The following NPAS2 variants were observed in gnomAD, a reference collection of about 807,000 sequenced individuals.
The protein encoded by NPAS2 is neuronal PAS domain protein 2.
In NPAS2, 23 loss-of-function variants were observed where a neutral mutation model predicts 107.5. That is an observed-to-expected ratio of 0.21 (90% CI 0.15 to 0.30). NPAS2 has a LOEUF of 0.30. Among genes scored for constraint, NPAS2 ranks in the 10% least tolerant of loss-of-function variants. The pLI is 1.00. For synonymous variants in NPAS2, 403 were observed against 417.5 expected, an observed-to-expected ratio of 0.97 and a Z score of 0.42; for missense variants, 756 against 1,043.3, an observed-to-expected ratio of 0.72 and a Z score of 3.79.
chr2:100,874,611 G>A (rs1262323874), intron 1 of NPAS2, among the ~76,000 whole-genome samples: 5 of 151,658 alleles, frequency 3.3e-5, no homozygotes, highest in African/African-American at 4.8e-5. Context: ...GTGTGGTGGC[G>A]CACACCTGTA....
intron 3 of NPAS2, among the ~76,000 whole-genome samples, chr2:100,929,093 C>T (rs74106): frequency 0.43 from 65,806 of 152,076 alleles, 15,021 homozygotes; most frequent in East Asian, 0.74. Context: ...TTAGTGAAGA[C>T]GGGGTTTTGC....
intron 1 of NPAS2, among the ~76,000 whole-genome samples, chr2:100,893,184 T>C (rs1681189180): frequency 6.6e-6 from 1 of 152,182 alleles, no homozygotes; most frequent in South Asian, 2.1e-4. Context: ...GGCTTTTTAT[T>C]CCTTAACATA....
intron 12 of NPAS2, among the ~76,000 whole-genome samples, chr2:100,971,568 T>G (rs550521328): frequency 1.3e-5 from 2 of 152,304 alleles, no homozygotes; most frequent in African/African-American, 2.4e-5. Flanking sequence ...CACGCCACTC[T>G]CCCTGTCACC....
chr2:100,982,247 G>C lies in NPAS2; in HGVS notation c.1499G>C (p.Ser500Thr). 1 of 1,614,232 alleles carries C rather than the reference G, an allele frequency of 6.2e-7. No homozygotes were observed. The change falls in exon 16 of 21, where the codon AGC becomes ACC. Residue 500 changes from serine (S) to threonine (T), a missense_variant. Physicochemically the swap from Ser to Thr is moderately conservative, Grantham distance 58. This residue lies in a region of NPAS2 where 496 missense variants were observed against 594.4 expected (regional missense o/e 0.83). Coordinates refer to ENST00000335681, the MANE Select transcript of NPAS2 (RefSeq NM_002518.4). ...APMAQFSAQF[S>T]MFQTIKDQLE... ...ACCTTGAAGTTTTCGGCACAGTTCA[G>C]CATGTTCCAGACCATCAAAGACCAG...
chr2:100,966,855 C>T (rs1398329129), intron 10 of NPAS2, among the ~76,000 whole-genome samples: 1 of 152,130 alleles, frequency 6.6e-6, no homozygotes, highest in Non-Finnish European at 1.5e-5. Context: ...CCTCGGCCTC[C>T]CAAAATGCTT....
At position 100,990,819 on chromosome 2, in the gene NPAS2, G is replaced by A. The variant is rs1415263737; in HGVS notation, c.2058G>A (p.Gly686=). The change falls in exon 19 of 21, where the codon GGG becomes GGA. Residue 686 remains glycine, a synonymous_variant. Coordinates refer to ENST00000335681, the MANE Select transcript of NPAS2 (RefSeq NM_002518.4). ...LSQPIQPMMP[G]SCDARQPSEV... is the part of the protein sequence containing the mutation. ...AGCCCATCCAGCCCATGATGCCCGG[G>A]TCCTGTGACGCAAGGCAGCCCTCGG... 6.2e-7 allele frequency: 1 copy of A among 1,614,202 alleles called. No homozygotes were observed. Among genetic ancestry groups the A allele is most frequent in the Non-Finnish European group, 8.5e-7 (1 of 1,180,048 alleles).
Position 100,891,377 on chromosome 2 carries a change from C to T in NPAS2, c.-22-13356C>T, listed in dbSNP as rs559665699. ...TGGTGCAACATGAGGGTATGTCCTA[C>T]CAACAAGGTGTGCAGCATTGGACAT... is the stretch of plus-strand genomic sequence containing the variant. On this transcript the variant is annotated intron_variant, in intron 1 of 20. Coordinates refer to ENST00000335681, the MANE Select transcript of NPAS2 (RefSeq NM_002518.4). Among the ~76,000 whole-genome samples, 4 of 152,236 alleles carry T rather than the reference C, an allele frequency of 2.6e-5. No individual in the cohort carries two copies. The South Asian group carries it at 8.3e-4, about 32-fold the overall frequency.
At chr2:100,959,438 G>A (rs1675794584) in intron 7 of NPAS2, among the ~76,000 whole-genome samples, 1 of 152,178 alleles carries the variant, frequency 6.6e-6, no homozygotes, top group Non-Finnish European at 1.5e-5. Flanking sequence ...AAGTGGGCAG[G>A]ATTATCACGG....
intron 4 of NPAS2, chr2:100,933,978 A>G (rs1684149764): frequency 6.6e-6 from 1 of 152,264 alleles, no homozygotes; most frequent in South Asian, 2.1e-4. Context: ...TTCAATTTAC[A>G]TAGATTAACT....
rs1178668134 is a variant in NPAS2, at chr2:100,873,289, TATATATATATATATATATACACACAC to T, written c.-22-31442_-22-31417del. Among the ~76,000 whole-genome samples, 15 of 42,424 alleles carry T rather than the reference TATATATATATATATATATACACACAC, an allele frequency of 3.5e-4. No homozygotes were observed. The East Asian group carries it at 4.9e-3, about 14-fold the overall frequency. The allele number at this position is 42,424 out of a possible 152,430, so 27.8% of individuals were successfully genotyped here. On this transcript the variant is annotated intron_variant, in intron 1 of 20. Transcript: ENST00000335681. Reference sequence around the variant, plus strand: ...AAAAAAAAATACATATATATATATATATATATATATATATATATACACACACACACACACACACACACACACACACA... The same window carrying T: ...AAAAAAAAATACATATATATATATATACACACACACACACACACACACACA...
intron 1 of NPAS2, among the ~76,000 whole-genome samples, chr2:100,839,191 C>T (rs1468317987): frequency 1.3e-5 from 2 of 152,110 alleles, no homozygotes; most frequent in Non-Finnish European, 2.9e-5. Flanking sequence ...TGCAGTGGCA[C>T]AATCTTGGCT....
In NPAS2 at chr2:100,971,052, C is replaced by A; in HGVS notation, c.1118C>A (p.Ala373Asp). ...GCTCTGGAAGACCCGCCATCCGAGG[C>A]CCTCCACTCCTCAGCACTAAAGGTA... ...ELALEDPPSE[A>D]LHSSALKDKG... is the part of the protein sequence containing the mutation. The change falls in exon 12 of 21, where the codon GCC becomes GAC. Residue 373 changes from alanine to aspartate, a missense_variant. Ala to Asp is a moderately radical substitution (Grantham distance 126). Around this residue, in one of 4 missense-constraint regions of NPAS2, gnomAD observed 496 missense variants for 594.4 expected, o/e 0.83. Transcript: ENST00000335681. The A allele has an allele frequency of 6.2e-7, 1 of 1,614,134 alleles. No individual in the cohort carries two copies. Among genetic ancestry groups the A allele is most frequent in the Non-Finnish European group, 8.5e-7 (1 of 1,180,004 alleles).
intron 1 of NPAS2, among the ~76,000 whole-genome samples, chr2:100,855,332 C>G (rs548234976): frequency 1.3e-5 from 2 of 152,290 alleles, no homozygotes; most frequent in Non-Finnish European, 2.9e-5. Flanking sequence ...AGACAATTCT[C>G]CTAACTTGCT....
At chr2:100,950,460 G>A (rs546348631) in intron 7 of NPAS2, among the ~76,000 whole-genome samples, 10 of 152,318 alleles carry the variant, frequency 6.6e-5, no homozygotes, top group Admixed American at 3.3e-4. Context: ...CACTCTGGAC[G>A]TGGTGGGTCT....
At chr2:100,948,635 A>C (rs576546596) in intron 6 of NPAS2, among the ~76,000 whole-genome samples, 1 of 151,082 alleles carries the variant, frequency 6.6e-6, no homozygotes, top group Non-Finnish European at 1.5e-5. Context: ...TTTTTTTTGC[A>C]TGAGAGTCTT....
At chr2:100,884,456 G>A (rs1483459800) in intron 1 of NPAS2, among the ~76,000 whole-genome samples, 1 of 152,168 alleles carries the variant, frequency 6.6e-6, no homozygotes, top group African/African-American at 2.4e-5. Flanking sequence ...CTCTGATACG[G>A]ACCAGTTCTT....
chr2:100,927,813 C>T (rs187302393), intron 3 of NPAS2, among the ~76,000 whole-genome samples: 2 of 152,216 alleles, frequency 1.3e-5, no homozygotes, highest in African/African-American at 2.4e-5. Flanking sequence ...TGTGGTCACA[C>T]CTACCCTGCC....
intron 15 of NPAS2, 21 bp from the exon 16 acceptor site, chr2:100,982,210 T>C: frequency 6.2e-6 from 10 of 1,613,952 alleles, no homozygotes; most frequent in South Asian, 1.1e-5. Context: ...TCTGATTATG[T>C]TTTTCGGCTC....
intron 1 of NPAS2, among the ~76,000 whole-genome samples, chr2:100,896,363 C>G (rs1681411192): frequency 6.6e-6 from 1 of 152,176 alleles, no homozygotes; most frequent in African/African-American, 2.4e-5. Flanking sequence ...TGAGTCAGTG[C>G]CAGGAGGCAG....
Sources: gnomAD v4.1 joint callset for allele counts (sites outside exome capture counted in the v4.1 genomes callset) on GRCh38, gnomAD v4.1.1 for gene constraint, gnomAD v4.1.1 regional missense constraint, MANE v1.5 for transcripts, NCBI Gene and HGNC (gene_info 2026-07-23, HGNC 2026-07-21) for gene names.